GPC6: variants seen among roughly 807,000 people sequenced by gnomAD.
GPC6 encodes glypican-6.
A neutral mutation model predicts 55.2 loss-of-function variants in GPC6; 14 were observed. The observed-to-expected ratio is 0.25, with a 90% CI of 0.17 to 0.40. The LOEUF is 0.40. Ranked by LOEUF, GPC6 falls within the 10% of genes least tolerant of loss-of-function variation. GPC6 has a pLI of 1.00. For missense variants in GPC6, 641 were observed against 708.5 expected (o/e 0.90, Z 1.08); for synonymous variants, 278 against 259.6 (o/e 1.07, Z -0.68).
chr13:93,256,893 T>C (rs916470085), intron 1 of GPC6, among the ~76,000 whole-genome samples: 9 of 152,166 alleles, frequency 5.9e-5, no homozygotes, highest in African/African-American at 1.4e-4. Flanking sequence ...ATTAGCAATC[T>C]AGAGGGTAAA....
intron 4 of GPC6, among the ~76,000 whole-genome samples, chr13:94,110,737 A>T (rs1886216793): frequency 1.3e-5 from 2 of 152,212 alleles, no homozygotes; most frequent in African/African-American, 4.8e-5. Context: ...ATAGTAACTG[A>T]TGTTATAAAA....
At chr13:94,390,458 T>C (rs549091928) in intron 7 of GPC6, among the ~76,000 whole-genome samples, 26 of 152,238 alleles carry the variant, frequency 1.7e-4, no homozygotes, top group African/African-American at 5.3e-4. Flanking sequence ...ATAGGAAGCA[T>C]GGCTGGGGAG....
At position 93,733,771 on chromosome 13, in the gene GPC6, G is replaced by A. The variant is rs1187695984; in HGVS notation, c.320-96383G>A. On this transcript the variant is annotated intron_variant, in intron 2 of 8. Coordinates refer to ENST00000377047, the MANE Select transcript of GPC6 (RefSeq NM_005708.5). ...GCAAGTAATGGCAGAAACACACGAG[G>A]ACGATGCCCTGACTTAGAAACTCAG... Among the ~76,000 whole-genome samples the A allele has an allele frequency of 3.3e-5, 5 of 152,232 alleles. No individual in the cohort carries two copies. The East Asian group carries it at 7.7e-4, about 24-fold the overall frequency.
At chr13:94,316,337 C>G (rs1876526916) in intron 6 of GPC6, among the ~76,000 whole-genome samples, 1 of 152,152 alleles carries the variant, frequency 6.6e-6, no homozygotes, top group South Asian at 2.1e-4. Context: ...TCAACCAGAG[C>G]AAAGGATCCC....
At chr13:94,044,826 G>T (rs1473278821) in intron 4 of GPC6, among the ~76,000 whole-genome samples, 2 of 151,834 alleles carry the variant, frequency 1.3e-5, no homozygotes, top group South Asian at 2.1e-4. Flanking sequence ...ATAAGAAATG[G>T]TATCAAGATC....
intron 4 of GPC6, among the ~76,000 whole-genome samples, chr13:94,201,861 A>C (rs1889760748): frequency 6.6e-6 from 1 of 152,134 alleles, no homozygotes; most frequent in African/African-American, 2.4e-5. Flanking sequence ...AGGCAGAAGA[A>C]TCGCTTGAAC....
At chr13:93,514,712 C>T (rs954096667) in intron 1 of GPC6, among the ~76,000 whole-genome samples, 2 of 152,092 alleles carry the variant, frequency 1.3e-5, no homozygotes, top group South Asian at 2.1e-4. Context: ...TGAACTGTCT[C>T]GTTTCCAGAT....
At chr13:93,820,840 T>C (rs1257093825) in intron 2 of GPC6, among the ~76,000 whole-genome samples, 5 of 152,032 alleles carry the variant, frequency 3.3e-5, no homozygotes, top group Admixed American at 1.3e-4. Context: ...ATCATTTACA[T>C]GATTGAGGGA....
intron 3 of GPC6, among the ~76,000 whole-genome samples, chr13:93,940,633 C>T (rs775158212): frequency 6.6e-6 from 1 of 152,052 alleles, no homozygotes; most frequent in Non-Finnish European, 1.5e-5. Flanking sequence ...AATGTGTGAA[C>T]GTTGTTTGTA....
chr13:93,498,332 C>T (rs1880387181), intron 1 of GPC6, among the ~76,000 whole-genome samples: 1 of 152,202 alleles, frequency 6.6e-6, no homozygotes, highest in Non-Finnish European at 1.5e-5. Flanking sequence ...TGCTTAAATA[C>T]AACAGTCATG....
intron 2 of GPC6, among the ~76,000 whole-genome samples, chr13:93,722,765 A>G (rs139904980): frequency 1.3e-5 from 2 of 151,996 alleles, no homozygotes; most frequent in Non-Finnish European, 2.9e-5. Context: ...CTCTAAAGTC[A>G]CTAGTGGTGA....
rs185909482 is a variant in GPC6 at position 93,241,134 on chromosome 13, A to G, written c.160+13518A>G. ...ATGCCTTACTGATATTCTTTTTGCA[A>G]TGAATCTCCCAGAGTTCTTTGAGAC... On this transcript the variant is annotated intron_variant, in intron 1 of 8. Transcript: ENST00000377047. Among the ~76,000 whole-genome samples the G allele has an allele frequency of 3.6e-3, 547 of 152,270 alleles. 3 individuals are homozygous for G. The highest frequency in any genetic ancestry group is 0.012 in the South Asian group (56 of 4,828).
chr13:93,372,719 A>C (rs529750552), intron 1 of GPC6, among the ~76,000 whole-genome samples: 116 of 152,284 alleles, frequency 7.6e-4, no homozygotes, highest in African/African-American at 2.7e-3. Flanking sequence ...TTTTCTATAC[A>C]ATTATGGAGT....
At chr13:94,368,813 A>G (rs1879400926) in intron 6 of GPC6, among the ~76,000 whole-genome samples, 1 of 152,244 alleles carries the variant, frequency 6.6e-6, no homozygotes, top group South Asian at 2.1e-4. Flanking sequence ...ATGCAGGCTC[A>G]CACAGTGAAT....
At chr13:94,386,643 C>T (rs1436487913) in intron 7 of GPC6, among the ~76,000 whole-genome samples, 4 of 152,140 alleles carry the variant, frequency 2.6e-5, no homozygotes, top group Non-Finnish European at 5.9e-5. Flanking sequence ...AAATCCATCA[C>T]GTATTAATAG....
At chr13:93,965,238 C>G (rs1261380381) in intron 3 of GPC6, among the ~76,000 whole-genome samples, 2 of 150,576 alleles carry the variant, frequency 1.3e-5, no homozygotes, top group African/African-American at 2.4e-5. Flanking sequence ...GGTGAAACCC[C>G]CTCTCTACTA....
intron 2 of GPC6, among the ~76,000 whole-genome samples, chr13:93,553,694 CAAAAA>C (rs34521652): frequency 7.1e-5 from 4 of 56,664 alleles, no homozygotes; most frequent in Non-Finnish European, 9.9e-5. Flanking sequence ...GACTCCATCT[CAAAAA>C]AAAAAAAAAA....
At chr13:93,243,583 G>T (rs543385495) in intron 1 of GPC6, among the ~76,000 whole-genome samples, 2 of 152,168 alleles carry the variant, frequency 1.3e-5, no homozygotes, top group African/African-American at 2.4e-5. Flanking sequence ...CTCTGATGGG[G>T]GTGGCAGGGG....
At chr13:94,125,742 A>G (rs1886785681) in intron 4 of GPC6, among the ~76,000 whole-genome samples, 1 of 151,834 alleles carries the variant, frequency 6.6e-6, no homozygotes, top group Non-Finnish European at 1.5e-5. Context: ...TTTAAATACA[A>G]AATAGTTAAA....
Sources: gnomAD v4.1 joint callset for allele counts (sites outside exome capture counted in the v4.1 genomes callset) on GRCh38, gnomAD v4.1.1 for gene constraint, MANE v1.5 for transcripts, NCBI Gene and HGNC (gene_info 2026-07-23, HGNC 2026-07-21) for gene names.